PUM1: variants seen among roughly 807,000 people sequenced by gnomAD.
PUM1 encodes the protein pumilio homolog 1.
A neutral mutation model predicts 131.8 loss-of-function variants in PUM1; 13 were observed. The ratio of observed to expected loss-of-function variants is 0.10; its 90% CI spans 0.06 to 0.16. The LOEUF (loss-of-function observed/expected upper bound fraction) is 0.16. Among genes scored for constraint, PUM1 ranks in the 10% least tolerant of loss-of-function variants. The probability of loss-of-function intolerance (pLI) is 1.00; values close to 1 mark genes in which losing one functional copy is unlikely to be tolerated. For missense variants in PUM1, 961 were observed against 1,512.4 expected, an observed-to-expected ratio of 0.64 and a Z score of 6.05; for synonymous variants, 509 against 556.5, an observed-to-expected ratio of 0.91 and a Z score of 1.20.
rs753509889 is a variant in PUM1 at position 30,968,499 on chromosome 1, A to C, written c.1507-7T>G. ...TGGCTCCTCCACGGAGAACCTGGGA[A>C]AGGAAGACAGAAATAACTCAACCAC... On this transcript the variant is annotated splice_region_variant and splice_polypyrimidine_tract_variant and intron_variant, in intron 10 of 21. Coordinates refer to ENST00000426105, the MANE Select transcript of PUM1 (RefSeq NM_001020658.2). 2 of 1,590,580 alleles carry C rather than the reference A, an allele frequency of 1.3e-6. No individual in the cohort carries two copies. The highest frequency in any genetic ancestry group is 8.5e-7 in the Non-Finnish European group (1 of 1,173,990).
At chr1:30,955,045 G>A (rs1640092382) in intron 14 of PUM1, among the ~76,000 whole-genome samples, 3 of 151,688 alleles carry the variant, frequency 2.0e-5, no homozygotes, top group Admixed American at 2.0e-4. Flanking sequence ...CTCCAGTCTA[G>A]GCAACAGAGC....
At chr1:30,974,509 G>T in intron 10 of PUM1, 142 bp downstream of exon 10, 1 of 804,688 alleles carries the variant, frequency 1.2e-6, no homozygotes, top group Non-Finnish European at 1.9e-6. Flanking sequence ...TTAAATCTGA[G>T]CCTGAACTCA....
intron 3 of PUM1, 28 bp from the exon 4 acceptor site, chr1:31,007,130 TA>T (rs1642422689): frequency 6.6e-7 from 1 of 1,522,522 alleles, no homozygotes; most frequent in Admixed American, 1.7e-5. Flanking sequence ...TAGATGCTTT[TA>T]AAGAATTCAT....
rs891594160 is a variant in PUM1 at position 31,058,442 on chromosome 1, C to T, written c.363+762G>A. Reference sequence around the variant, plus strand: ...TTGGGAGGCCGAGATGGGTGGATCACGAGGTCAGGAGATAGAGACCATCCT... The same window carrying T: ...TTGGGAGGCCGAGATGGGTGGATCATGAGGTCAGGAGATAGAGACCATCCT... On this transcript the variant is annotated intron_variant, in intron 2 of 21. Transcript: ENST00000426105. Among the ~76,000 whole-genome samples, 4 of 151,654 alleles carry T rather than the reference C, an allele frequency of 2.6e-5. No individual in the cohort carries two copies. In the South Asian group the frequency reaches 6.3e-4, roughly 24 times the overall value.
Position 30,992,679 on chromosome 1 carries a change from G to A in PUM1, c.888-19C>T. 1.2e-6 allele frequency: 2 copies of A among 1,605,324 alleles called. No homozygotes were observed. The highest frequency in any genetic ancestry group is 1.7e-6 in the Non-Finnish European group (2 of 1,174,602). On this transcript the variant is annotated intron_variant, in intron 6 of 21. Transcript: ENST00000426105. ...GGTACGGCTAAACAGAGAAAGTAAAGGGCATTAAACCTTATTTTCAGTGGG... is the reference window on the plus strand; with the variant it reads ...GGTACGGCTAAACAGAGAAAGTAAAAGGCATTAAACCTTATTTTCAGTGGG...
intron 18 of PUM1, 62 bp from the exon 19 acceptor site, chr1:30,942,185 T>C: frequency 1.9e-5 from 8 of 431,736 alleles, no homozygotes; most frequent in Non-Finnish European, 2.4e-5. Context: ...AATGCTTCAG[T>C]ATTGTTTATA....
chr1:30,948,436 C>T (rs1639773267), intron 17 of PUM1, among the ~76,000 whole-genome samples: 1 of 151,846 alleles, frequency 6.6e-6, no homozygotes, highest in Admixed American at 6.6e-5. Context: ...GAAACATGAC[C>T]AGAAAAAATA....
chr1:31,061,217 C>T (rs543989892), intron 1 of PUM1, among the ~76,000 whole-genome samples: 3 of 152,196 alleles, frequency 2.0e-5, no homozygotes, highest in East Asian at 1.9e-4. Context: ...CCAGCACCTT[C>T]GGAGACTTAG....
intron 3 of PUM1, among the ~76,000 whole-genome samples, chr1:31,019,597 A>C (rs72885623): frequency 0.023 from 3,472 of 152,266 alleles, 160 homozygotes; most frequent in African/African-American, 0.078. Flanking sequence ...TTAGCACCTT[A>C]CACTCCATGT....
intron 2 of PUM1, among the ~76,000 whole-genome samples, chr1:31,057,161 T>C (rs772697243): frequency 1.2e-4 from 18 of 152,108 alleles, no homozygotes; most frequent in Non-Finnish European, 2.5e-4. Flanking sequence ...CCCAGCACTC[T>C]GGGAGTCCAA....
At chr1:30,957,115 C>A (rs1640201522) in intron 14 of PUM1, among the ~76,000 whole-genome samples, 1 of 151,796 alleles carries the variant, frequency 6.6e-6, no homozygotes, top group Admixed American at 6.6e-5. Flanking sequence ...CACACACACA[C>A]ACACACACAG....
At chr1:31,063,008 C>T (rs183343881) in intron 1 of PUM1, among the ~76,000 whole-genome samples, 1 of 152,324 alleles carries the variant, frequency 6.6e-6, no homozygotes, top group Non-Finnish European at 1.5e-5. Context: ...CTAGTCCCTG[C>T]TCAAGTACCA....
intron 2 of PUM1, among the ~76,000 whole-genome samples, chr1:31,039,714 G>A (rs1248489809): frequency 6.6e-6 from 1 of 151,788 alleles, no homozygotes; most frequent in African/African-American, 2.4e-5. Flanking sequence ...CAGCCTGGCT[G>A]ACATGGTAAA....
intron 16 of PUM1, among the ~76,000 whole-genome samples, chr1:30,951,825 G>A (rs1193143210): frequency 6.6e-6 from 1 of 152,190 alleles, no homozygotes; most frequent in African/African-American, 2.4e-5. Flanking sequence ...ACATACTGGA[G>A]TCGGTGTCCA....
At chr1:31,031,546 C>T (rs781574562) in intron 2 of PUM1, among the ~76,000 whole-genome samples, 5 of 152,212 alleles carry the variant, frequency 3.3e-5, no homozygotes, top group African/African-American at 4.8e-5. Flanking sequence ...ACTTACATGG[C>T]ACTGCCAGGA....
rs1310723583 is a variant in PUM1 at position 30,932,639 on chromosome 1, T to TTTTATA, written c.*571_*572insTATAAA. The TTTTATA allele has an allele frequency of 5.4e-5, 5 of 92,676 alleles. No individual in the cohort carries two copies. Among genetic ancestry groups the TTTTATA allele is most frequent in the Admixed American group, 9.1e-5 (1 of 10,986 alleles). 5.7% of individuals were successfully genotyped at this position (92,676 alleles called of 1,614,324 possible). Reference sequence around the variant, plus strand: ...TTTAGCAACTCTGAAACCTTTTTCATTATATATATATATATATATATATAT... The same window carrying TTTTATA: ...TTTAGCAACTCTGAAACCTTTTTCATTTTATATATATATATATATATATATATATAT... On this transcript the variant is annotated 3_prime_UTR_variant, in exon 22 of 22. Transcript: ENST00000426105.
chr1:31,059,001 G>T (rs1312850098), intron 2 of PUM1, among the ~76,000 whole-genome samples: 2 of 152,120 alleles, frequency 1.3e-5, no homozygotes, highest in African/African-American at 4.8e-5. Flanking sequence ...ATGAATGAAT[G>T]AATTGGCTAT....
At chr1:30,993,815 A>G (rs938548015) in intron 6 of PUM1, among the ~76,000 whole-genome samples, 1 of 152,190 alleles carries the variant, frequency 6.6e-6, no homozygotes, top group African/African-American at 2.4e-5. Flanking sequence ...TCATGCCTGT[A>G]ATCTCAGCAC....
At chr1:30,992,685 T>TA in intron 6 of PUM1, 25 bp from the exon 7 acceptor site, 1 of 1,594,054 alleles carries the variant, frequency 6.3e-7, no homozygotes, top group Non-Finnish European at 8.6e-7. Context: ...TAAAGGGCAT[T>TA]AAACCTTATT....
Sources: allele counts gnomAD v4.1 joint callset (sites outside exome capture counted in the v4.1 genomes callset), GRCh38; gene constraint gnomAD v4.1.1; transcripts MANE v1.5; gene names NCBI Gene and HGNC (gene_info 2026-07-23, HGNC 2026-07-21).